Variants in SMIM7 observed in about 807,000 individuals in gnomAD.
SMIM7 encodes the protein UPF0608 protein C19orf42.
SMIM7 carries 12 observed loss-of-function variants against 13.3 expected under a neutral mutation model. The observed-to-expected ratio is 0.90, with a 90% CI of 0.58 to 1.46. The LOEUF is 1.46. SMIM7 is among the 40% of genes most tolerant of loss of function. The pLI, the probability that SMIM7 is intolerant of heterozygous loss-of-function variation, is 0.00. For missense variants in SMIM7, 114 were observed against 94.8 expected (o/e 1.20, Z -0.84); for synonymous variants, 36 against 35.8 (o/e 1.01, Z -0.02).
chr19:16,643,345 T>C (rs1432245969), downstream of SMIM7, among the ~76,000 whole-genome samples: 1 of 152,216 alleles, frequency 6.6e-6, no homozygotes, highest in Non-Finnish European at 1.5e-5. Flanking sequence ...TTATTTTTCC[T>C]CTTCTAGCAA....
chr19:16,659,669 G>A, intron 2 of SMIM7: 1 of 654,434 alleles, frequency 1.5e-6, no homozygotes, highest in Non-Finnish European at 2.6e-6. Context: ...GCCCGACAGT[G>A]CGGGTGCAGG....
intron 3 of SMIM7, among the ~76,000 whole-genome samples, chr19:16,658,860 C>T (rs911067156): frequency 5.9e-5 from 9 of 152,000 alleles, no homozygotes; most frequent in African/African-American, 2.2e-4. Flanking sequence ...TGACAGCAAA[C>T]ATAACAGAAC....
At chr19:16,642,564 G>T (rs1010057043), downstream of SMIM7, among the ~76,000 whole-genome samples, 1 of 151,574 alleles carries the variant, frequency 6.6e-6, no homozygotes, top group Admixed American at 6.6e-5. Context: ...AAAAAAGAAT[G>T]ATATTGTGGT....
intron 3 of SMIM7, 71 bp downstream of exon 3, chr19:16,659,320 CGAAG>C (rs1284689630): frequency 2.8e-6 from 3 of 1,053,582 alleles, no homozygotes; most frequent in Non-Finnish European, 4.2e-6. Context: ...AGAAAGAAAA[CGAAG>C]GTAGGGCTTG....
At chr19:16,659,309 AAG>A (rs1408445700) in intron 3 of SMIM7, 84 bp downstream of exon 3, 60 of 1,174,936 alleles carry the variant, frequency 5.1e-5, no homozygotes, top group Non-Finnish European at 6.9e-5. Flanking sequence ...AAAAAAGAGA[AAG>A]AAAGAAAACG....
chr19:16,643,136 AG>A (rs2086416690), downstream of SMIM7, among the ~76,000 whole-genome samples: 1 of 152,178 alleles, frequency 6.6e-6, no homozygotes, highest in Non-Finnish European at 1.5e-5. Flanking sequence ...AGAAAAAAAA[AG>A]TTATTTTAGA....
intron 4 of SMIM7, chr19:16,634,869 C>T (rs558520735): frequency 2.0e-5 from 3 of 151,460 alleles, no homozygotes; most frequent in African/African-American, 7.3e-5. Context: ...CATAGCAGCA[C>T]TGCTCATAAT....
chr19:16,653,710 A>G, intron 4 of SMIM7: 1 of 311,534 alleles, frequency 3.2e-6, no homozygotes, highest in South Asian at 5.2e-5. Flanking sequence ...CCTGGATAAC[A>G]CGATGGAACC....
chr19:16,639,422 A>C (rs946393305), intron 4 of SMIM7, among the ~76,000 whole-genome samples: 7 of 152,266 alleles, frequency 4.6e-5, no homozygotes, highest in East Asian at 1.9e-4. Context: ...GCGCCCGGTC[A>C]TAAGATGTCA....
At chr19:16,658,800 C>T (rs1468404146) in intron 3 of SMIM7, among the ~76,000 whole-genome samples, 5 of 151,974 alleles carry the variant, frequency 3.3e-5, no homozygotes, top group Admixed American at 2.6e-4. Context: ...CAAGCTAGGG[C>T]CTCTTCTCTG....
downstream of SMIM7, chr19:16,644,997 G>A (rs2086435627): frequency 6.6e-6 from 1 of 152,186 alleles, no homozygotes; most frequent in Non-Finnish European, 1.5e-5. Context: ...GCTGAGATGG[G>A]ATTTGTACTC....
chr19:16,650,579 G>A (rs1192281130), intron 4 of SMIM7, among the ~76,000 whole-genome samples: 1 of 152,080 alleles, frequency 6.6e-6, no homozygotes, highest in Non-Finnish European at 1.5e-5. Context: ...GTGTGGTGGT[G>A]CGTGCCTGTA....
At chr19:16,656,715 A>G (rs545320924) in intron 3 of SMIM7, among the ~76,000 whole-genome samples, 1 of 152,184 alleles carries the variant, frequency 6.6e-6, no homozygotes, top group Admixed American at 6.5e-5. Flanking sequence ...CCTGGCCAAC[A>G]TGGCGAAACC....
At position 16,660,020 on chromosome 19, in the gene SMIM7, G is replaced by A. The variant is rs1195778978; in HGVS notation, c.27-20C>T. Reference sequence around the variant, plus strand: ...AACGTCCTGCAGAGGGAGAATTACAGTTACTAGGGGCGCCCCCGCGTCCTG... The same window carrying A: ...AACGTCCTGCAGAGGGAGAATTACAATTACTAGGGGCGCCCCCGCGTCCTG... On this transcript the variant is annotated intron_variant, in intron 1 of 4. Transcript: ENST00000487416. 2 of 1,613,934 alleles carry A rather than the reference G, an allele frequency of 1.2e-6. No homozygotes were observed. Among genetic ancestry groups the A allele is most frequent in the Non-Finnish European group, 1.7e-6 (2 of 1,180,006 alleles).
chr19:16,652,790 C>G, intron 4 of SMIM7: 1 of 1,522,398 alleles, frequency 6.6e-7, no homozygotes, highest in Non-Finnish European at 8.8e-7. Context: ...TGTCCTCTCT[C>G]TTTCTGGGGG....
rs113127223 is a variant in SMIM7, at chr19:16,647,254, C to T, written c.220G>A (p.Gly74Ser). 218 of 1,613,812 alleles carry T rather than the reference C, an allele frequency of 1.4e-4. No individual in the cohort carries two copies. Among genetic ancestry groups the T allele is most frequent in the East Asian group, 6.7e-4 (30 of 44,868 alleles). ...FMMFCMIVLF[G>S]S ...GGTTTCATCGCTGGGATTCAAGAGCCGAACAGCCTGGAGAAGTCAGAGGGC... is the reference window on the plus strand; with the variant it reads ...GGTTTCATCGCTGGGATTCAAGAGCTGAACAGCCTGGAGAAGTCAGAGGGC... The change falls in exon 5 of 5, where the codon GGC becomes AGC. Residue 74 changes from glycine (G) to serine (S), a missense_variant. Physicochemically the swap from Gly to Ser is moderately conservative, Grantham distance 56. Coordinates refer to ENST00000487416, the MANE Select transcript of SMIM7 (RefSeq NM_024104.4).
chr19:16,657,763 G>A (rs2086614921), intron 3 of SMIM7, among the ~76,000 whole-genome samples: 1 of 152,230 alleles, frequency 6.6e-6, no homozygotes, highest in African/African-American at 2.4e-5. Flanking sequence ...AGGCGTGGTA[G>A]CTCATGCCTG....
chr19:16,635,899 A>AAAAAAAAAAAAAATATATAT (rs1200181092), intron 4 of SMIM7, among the ~76,000 whole-genome samples: 1 of 109,600 alleles, frequency 9.1e-6, no homozygotes, highest in African/African-American at 4.3e-5. Context: ...AAAAAAAAAA[A>AAAAAAAAAAAAAATATATAT]ATATATATAT....
intron 4 of SMIM7, among the ~76,000 whole-genome samples, chr19:16,638,301 CTTTTTTTTTT>C (rs375558591): frequency 8.1e-6 from 1 of 122,768 alleles, no homozygotes; most frequent in East Asian, 2.4e-4. Context: ...TTTCTTTTTT[CTTTTTTTTTT>C]TTTTTTTTTG....
Sources: gnomAD v4.1 joint callset for allele counts (sites outside exome capture counted in the v4.1 genomes callset) on GRCh38, gnomAD v4.1.1 for gene constraint, MANE v1.5 for transcripts, NCBI Gene and HGNC (gene_info 2026-07-23, HGNC 2026-07-21) for gene names.